The following HIBCH variants were observed in gnomAD, a reference collection of about 807,000 sequenced individuals.
HIBCH encodes the protein 3-hydroxyisobutyryl-CoA hydrolase, mitochondrial.
HIBCH carries 50 observed loss-of-function variants against 58.2 expected under a neutral mutation model. The observed-to-expected ratio is 0.86, with a 90% CI of 0.68 to 1.09. The LOEUF is 1.09. HIBCH is among the 50% of genes least tolerant of loss of function. The pLI, the probability that HIBCH is intolerant of heterozygous loss-of-function variation, is 0.00. For missense variants in HIBCH, 450 were observed against 449.7 expected (o/e 1.00, Z -0.01); for synonymous variants, 151 against 146.9 (o/e 1.03, Z -0.20).
At chr2:190,276,248 AAGTTTCAT>A (rs1687548338) in intron 6 of HIBCH, among the ~76,000 whole-genome samples, 1 of 152,134 alleles carries the variant, frequency 6.6e-6, no homozygotes, top group Non-Finnish European at 1.5e-5. Flanking sequence ...AAAAGGCCCA[AAGTTTCAT>A]CAGAGACTCC....
chr2:190,203,466 A>C (rs1260290027), downstream of HIBCH: 1 of 166,140 alleles, frequency 6.0e-6, no homozygotes, highest in East Asian at 1.9e-4. Context: ...CTGCACAATA[A>C]AAGTCCAGTT....
chr2:190,222,124 T>C (rs947122475), intron 11 of HIBCH, among the ~76,000 whole-genome samples: 5 of 152,136 alleles, frequency 3.3e-5, no homozygotes, highest in Non-Finnish European at 5.9e-5. Flanking sequence ...TCAGGGGTCA[T>C]AGGCACCCCC....
intron 7 of HIBCH, among the ~76,000 whole-genome samples, chr2:190,253,519 T>G (rs1686839280): frequency 6.6e-6 from 1 of 152,154 alleles, no homozygotes. Context: ...CAGCATCACC[T>G]ACCTCAATAA....
intron 10 of HIBCH, among the ~76,000 whole-genome samples, chr2:190,245,885 A>G (rs1387126606): frequency 6.6e-6 from 1 of 151,874 alleles, no homozygotes; most frequent in East Asian, 1.9e-4. Context: ...AGCTACTCAG[A>G]AGGCTGAAGC....
intron 1 of HIBCH, among the ~76,000 whole-genome samples, chr2:190,190,847 G>C (rs1689677598): frequency 1.3e-5 from 2 of 152,122 alleles, no homozygotes; most frequent in South Asian, 2.1e-4. Context: ...CGCATGTTTA[G>C]ATTTGTTACA....
intron 8 of HIBCH, chr2:190,250,167 A>T (rs918077535): frequency 4.7e-5 from 15 of 320,296 alleles, no homozygotes; most frequent in African/African-American, 3.0e-4. Flanking sequence ...AGGACTTTTT[A>T]CTGTTCCCAG....
chr2:190,284,074 G>C (rs2105978330), intron 6 of HIBCH, among the ~76,000 whole-genome samples: 1 of 152,262 alleles, frequency 6.6e-6, no homozygotes. Context: ...TTAATCCTCT[G>C]GTGGAGTTCT....
intron 2 of HIBCH, among the ~76,000 whole-genome samples, chr2:190,305,803 T>C (rs530549256): frequency 2.0e-5 from 3 of 152,266 alleles, no homozygotes; most frequent in East Asian, 1.9e-4. Flanking sequence ...TAATAAAATA[T>C]AACATTTTCT....
chr2:190,267,799 T>G (rs1163774154), intron 6 of HIBCH, among the ~76,000 whole-genome samples: 1 of 149,860 alleles, frequency 6.7e-6, no homozygotes, highest in East Asian at 1.9e-4. Context: ...AAATGGAAAT[T>G]TAGGGCTTGC....
chr2:190,200,173 C>T (rs774638782), downstream of HIBCH: 1 of 1,593,044 alleles, frequency 6.3e-7, no homozygotes, highest in Non-Finnish European at 8.6e-7. Flanking sequence ...AACACTTTGA[C>T]TGTGGAGGTG....
intron 6 of HIBCH, among the ~76,000 whole-genome samples, chr2:190,269,090 G>A (rs925766809): frequency 2.6e-5 from 4 of 152,164 alleles, no homozygotes; most frequent in African/African-American, 9.6e-5. Context: ...ACTTAAGATG[G>A]ATTAAAGACT....
At chr2:190,270,280 T>A (rs56364124) in intron 6 of HIBCH, among the ~76,000 whole-genome samples, 35,255 of 148,234 alleles carry the variant, frequency 0.24, 4,522 homozygotes, top group East Asian at 0.45. Context: ...TTTTTTTTTT[T>A]AAAAAAAAAG....
At chr2:190,257,612 G>A (rs191371319) in intron 7 of HIBCH, among the ~76,000 whole-genome samples, 1 of 152,130 alleles carries the variant, frequency 6.6e-6, no homozygotes, top group African/African-American at 2.4e-5. Flanking sequence ...TATTGTCTTA[G>A]TCCATTTTGT....
intron 1 of HIBCH, among the ~76,000 whole-genome samples, chr2:190,198,777 C>CTCTT (rs1690102398): frequency 6.6e-6 from 1 of 151,952 alleles, no homozygotes; most frequent in South Asian, 2.1e-4. Flanking sequence ...ACACTCAGTC[C>CTCTT]TCTTTAAAAT....
chr2:190,227,368 T>G (rs1685939347), intron 11 of HIBCH, among the ~76,000 whole-genome samples: 2 of 152,192 alleles, frequency 1.3e-5, no homozygotes, highest in Admixed American at 1.3e-4. Flanking sequence ...GCTAGCCATA[T>G]GTAGAAAGCT....
At chr2:190,230,308 T>C (rs982299957) in intron 11 of HIBCH, among the ~76,000 whole-genome samples, 3 of 152,018 alleles carry the variant, frequency 2.0e-5, no homozygotes, top group African/African-American at 7.2e-5. Flanking sequence ...AAAACAGTAG[T>C]AGTAAAAAAG....
intron 6 of HIBCH, among the ~76,000 whole-genome samples, chr2:190,266,286 G>A (rs1034079516): frequency 5.3e-5 from 8 of 152,124 alleles, no homozygotes; most frequent in African/African-American, 1.4e-4. Flanking sequence ...TAATGTGTGT[G>A]CATATAAAAT....
intron 11 of HIBCH, among the ~76,000 whole-genome samples, chr2:190,232,905 C>A (rs1198233525): frequency 6.6e-6 from 1 of 152,062 alleles, no homozygotes; most frequent in African/African-American, 2.4e-5. Context: ...TTGCAGTGAG[C>A]CGAGATCATG....
At position 190,279,309 on chromosome 2, in the gene HIBCH, C is replaced by T. The variant is rs1221684618; in HGVS notation, c.438+8277G>A. On this transcript the variant is annotated intron_variant, in intron 6 of 13. Coordinates refer to ENST00000359678, the MANE Select transcript of HIBCH (RefSeq NM_014362.4). The surrounding 1 kb of genome is among the most constrained non-coding windows in gnomAD (Gnocchi z 4.2). ...CAGGATTAAGTTTCAACATGAGTTT[C>T]GGTGGGGACAAATATTCAAACCGTA... Among the ~76,000 whole-genome samples, 1 of 152,174 alleles carries T rather than the reference C, an allele frequency of 6.6e-6. No individual in the cohort carries two copies. Among genetic ancestry groups the T allele is most frequent in the East Asian group, 1.9e-4 (1 of 5,194 alleles).
Sources: gnomAD v4.1 joint callset for allele counts (sites outside exome capture counted in the v4.1 genomes callset) on GRCh38, gnomAD v4.1.1 for gene constraint, Gnocchi (gnomAD v3.1) non-coding constraint, MANE v1.5 for transcripts, NCBI Gene and HGNC (gene_info 2026-07-23, HGNC 2026-07-21) for gene names.